LINGO2: variants seen among roughly 807,000 people sequenced by gnomAD.
LINGO2 encodes the protein leucine-rich repeat and immunoglobulin-like domain-containing nogo receptor-interacting protein 2.
A neutral mutation model predicts 30.6 loss-of-function variants in LINGO2; 14 were observed. The ratio of observed to expected loss-of-function variants is 0.46; its 90% CI spans 0.30 to 0.72. The LOEUF is 0.72. Among genes scored for constraint, LINGO2 ranks in the 30% least tolerant of loss-of-function variants. LINGO2 has a pLI of 0.07. For missense variants in LINGO2, 729 were observed against 751.7 expected (o/e 0.97, Z 0.35); for synonymous variants, 317 against 288.5 (o/e 1.10, Z -1.00).
the LINGO2 span, among the ~76,000 whole-genome samples, chr9:28,772,552 G>C: frequency 6.6e-6 from 1 of 152,284 alleles, no homozygotes; most frequent in African/African-American, 2.4e-5. Context: ...CCATGCTCTA[G>C]GCAGTTATTG....
chr9:28,367,301 T>C (rs1820717003), intron 3 of LINGO2, among the ~76,000 whole-genome samples: 1 of 152,196 alleles, frequency 6.6e-6, no homozygotes, highest in South Asian at 2.1e-4. Context: ...TTAATATGTG[T>C]GAACACATTC....
chr9:28,502,024 A>G (rs554905759), intron 1 of LINGO2, among the ~76,000 whole-genome samples: 1 of 151,916 alleles, frequency 6.6e-6, no homozygotes, highest in East Asian at 1.9e-4. Context: ...AGGAAGGAAG[A>G]AAGGGAGGAG....
chr9:29,092,289 T>G, the LINGO2 span, among the ~76,000 whole-genome samples: 1 of 152,008 alleles, frequency 6.6e-6, no homozygotes. Flanking sequence ...TTTGTGTTCC[T>G]AACCACTGTT....
the LINGO2 span, among the ~76,000 whole-genome samples, chr9:29,028,435 A>T: frequency 6.8e-6 from 1 of 146,658 alleles, no homozygotes; most frequent in African/African-American, 2.6e-5. Flanking sequence ...GGGGTGAGAG[A>T]GAGAGAGAGA....
chr9:28,587,702 T>C (rs534280252), intron 1 of LINGO2, among the ~76,000 whole-genome samples: 1 of 151,932 alleles, frequency 6.6e-6, no homozygotes, highest in African/African-American at 2.4e-5. Context: ...AGATGCCACG[T>C]AGGCCAGGAG....
At chr9:28,345,066 C>T (rs933255663) in intron 3 of LINGO2, among the ~76,000 whole-genome samples, 8 of 151,540 alleles carry the variant, frequency 5.3e-5, no homozygotes, top group Admixed American at 2.0e-4. Flanking sequence ...CTTTGTGAAG[C>T]TCGGCTTTTA....
the LINGO2 span, among the ~76,000 whole-genome samples, chr9:28,806,419 G>A: frequency 3.3e-5 from 5 of 152,216 alleles, no homozygotes; most frequent in Non-Finnish European, 1.5e-5. Context: ...TAACTTGATT[G>A]TATCAGGGAT....
At chr9:28,012,070 C>A (rs1405601684) in intron 5 of LINGO2, among the ~76,000 whole-genome samples, 1 of 151,922 alleles carries the variant, frequency 6.6e-6, no homozygotes, top group Non-Finnish European at 1.5e-5. Context: ...CAGTACAATC[C>A]CACCTTTATT....
the LINGO2 span, among the ~76,000 whole-genome samples, chr9:29,126,036 T>C: frequency 6.6e-6 from 1 of 152,156 alleles, no homozygotes; most frequent in Non-Finnish European, 1.5e-5. Flanking sequence ...GAAATCTGCT[T>C]AAATGAAATT....
At chr9:28,552,694 G>T (rs577986384) in intron 1 of LINGO2, among the ~76,000 whole-genome samples, 1 of 145,532 alleles carries the variant, frequency 6.9e-6, no homozygotes. Context: ...TTCTCCTTCC[G>T]GGATTTCTAT....
At chr9:29,198,595 T>C in the LINGO2 span, among the ~76,000 whole-genome samples, 1 of 152,244 alleles carries the variant, frequency 6.6e-6, no homozygotes, top group East Asian at 1.9e-4. Context: ...AGAGGATTAG[T>C]AGAGCATAGT....
intron 5 of LINGO2, among the ~76,000 whole-genome samples, chr9:27,955,705 G>A (rs1478485655): frequency 1.3e-5 from 2 of 151,714 alleles, no homozygotes; most frequent in African/African-American, 4.8e-5. Context: ...TGGAAGCTTG[G>A]GCTGTGTCCA....
chr9:28,897,539 T>A, the LINGO2 span, among the ~76,000 whole-genome samples: 2 of 152,074 alleles, frequency 1.3e-5, no homozygotes, highest in Admixed American at 6.6e-5. Flanking sequence ...TTTGTTGTTG[T>A]TGTTTGTTTG....
chr9:28,741,064 G>T, the LINGO2 span, among the ~76,000 whole-genome samples: 1 of 151,912 alleles, frequency 6.6e-6, no homozygotes, highest in Non-Finnish European at 1.5e-5. Flanking sequence ...AGTCTTATCT[G>T]CATGCAGCCT....
intron 5 of LINGO2, among the ~76,000 whole-genome samples, chr9:27,973,931 G>T (rs1296859681): frequency 6.6e-6 from 1 of 152,120 alleles, no homozygotes; most frequent in Admixed American, 6.5e-5. Flanking sequence ...CAGATTATGA[G>T]TCTGTGGGAT....
rs1824761428 is a variant in LINGO2, at chr9:28,314,505, C to A, written c.-245-19139G>T. ...TAATTGAGTGTCTCTGTGTTCAAGG[C>A]ACCGAGTTTATTTTACAGATAAAGA... On this transcript the variant is annotated intron_variant, in intron 3 of 5. Coordinates refer to ENST00000379992, the Ensembl canonical transcript of LINGO2. Among the ~76,000 whole-genome samples the A allele has an allele frequency of 3.9e-5, 6 of 152,134 alleles. No individual in the cohort carries two copies. The South Asian group carries it at 1.2e-3, about 32-fold the overall frequency.
the LINGO2 span, among the ~76,000 whole-genome samples, chr9:28,800,283 C>T: frequency 6.6e-6 from 1 of 152,040 alleles, no homozygotes; most frequent in Admixed American, 6.6e-5. Flanking sequence ...GATTTTCTTT[C>T]ACAAAAATGG....
the LINGO2 span, among the ~76,000 whole-genome samples, chr9:29,188,786 G>A: frequency 7.0e-6 from 1 of 141,856 alleles, no homozygotes; most frequent in African/African-American, 2.7e-5. Context: ...GCCGGGCAGA[G>A]GCGCCCCTCA....
At chr9:28,114,748 C>T (rs1256956473) in intron 4 of LINGO2, among the ~76,000 whole-genome samples, 17 of 112,356 alleles carry the variant, frequency 1.5e-4, no homozygotes, top group Admixed American at 2.9e-4. Context: ...TCTGTGGGAT[C>T]GGTGGTGATA....
Sources: gnomAD v4.1 joint callset for allele counts (sites outside exome capture counted in the v4.1 genomes callset) on GRCh38, gnomAD v4.1.1 for gene constraint, MANE v1.5 for transcripts, NCBI Gene and HGNC (gene_info 2026-07-23, HGNC 2026-07-21) for gene names.